Variants in DNAI1 observed in about 807,000 individuals in gnomAD.
DNAI1 encodes the protein dynein axonemal intermediate chain 1.
In DNAI1, 67 loss-of-function variants were observed where a neutral mutation model predicts 92.0. The ratio of observed to expected loss-of-function variants is 0.73; its 90% CI spans 0.60 to 0.89. The LOEUF (loss-of-function observed/expected upper bound fraction) is 0.89, where lower values mean the gene tolerates loss of function less well. Ranked by LOEUF, DNAI1 falls within the 40% of genes least tolerant of loss-of-function variation. DNAI1 has a pLI of 0.00. For missense variants in DNAI1, 839 were observed against 866.6 expected, an observed-to-expected ratio of 0.97 and a Z score of 0.40; for synonymous variants, 323 against 319.6, an observed-to-expected ratio of 1.01 and a Z score of -0.11.
intron 1 of DNAI1, among the ~76,000 whole-genome samples, chr9:34,462,505 T>C (rs1161280165): frequency 6.6e-6 from 1 of 152,228 alleles, no homozygotes; most frequent in Non-Finnish European, 1.5e-5. Context: ...TCATTGTTGA[T>C]TCCCCTCTAC....
intron 4 of DNAI1, chr9:34,488,021 G>T: frequency 2.7e-6 from 1 of 365,194 alleles, no homozygotes; most frequent in African/African-American, 2.2e-5. Flanking sequence ...AGATGAAGGT[G>T]AAATCTCAAA....
intron 10 of DNAI1, 61 bp downstream of exon 10, chr9:34,497,260 C>G: frequency 7.1e-7 from 1 of 1,412,144 alleles, no homozygotes; most frequent in Non-Finnish European, 1.0e-6. Flanking sequence ...CTCATAAAAG[C>G]TTGGGTTATT....
intron 1 of DNAI1, among the ~76,000 whole-genome samples, chr9:34,469,245 A>T (rs1428166471): frequency 2.0e-5 from 3 of 150,994 alleles, no homozygotes; most frequent in South Asian, 2.1e-4. Flanking sequence ...TGTAGGCCAG[A>T]AGACAATGGA....
At chr9:34,501,107 TA>T in intron 11 of DNAI1, 30 bp from the exon 12 acceptor site, 1 of 1,597,296 alleles carries the variant, frequency 6.3e-7, no homozygotes, top group African/African-American at 1.3e-5. Context: ...GTTCATTTCC[TA>T]TGCCAATGGA....
At chr9:34,467,158 C>T (rs776121216) in intron 1 of DNAI1, among the ~76,000 whole-genome samples, 21 of 152,096 alleles carry the variant, frequency 1.4e-4, no homozygotes, top group Non-Finnish European at 2.8e-4. Flanking sequence ...ATGAATTGTG[C>T]GGGAAGGGGC....
chr9:34,504,175 C>G (rs1824881981), intron 12 of DNAI1, among the ~76,000 whole-genome samples: 1 of 152,148 alleles, frequency 6.6e-6, no homozygotes, highest in South Asian at 2.1e-4. Flanking sequence ...GGGGACAGCA[C>G]CCTCAAAAGG....
rs111887810 is a variant in DNAI1, at chr9:34,520,691, G to A, written c.2035G>A (p.Ala679Thr). ...KKGQEVQKGP[A>T]VEIAKLDKLL... ...GGGGCAGGAGGTGCAGAAGGGTCCA[G>A]CTGTGGAGATTGCGAAACTGGACAA... is the stretch of plus-strand genomic sequence containing the variant. Residue 679 changes from alanine to threonine, a missense_variant, in exon 20 of 20, where the codon GCT becomes ACT. Transcript: ENST00000242317. The A allele has an allele frequency of 6.4e-7, 1 of 1,551,564 alleles. No individual in the cohort carries two copies. Among genetic ancestry groups the A allele is most frequent in the Non-Finnish European group, 8.7e-7 (1 of 1,146,988 alleles).
intron 4 of DNAI1, among the ~76,000 whole-genome samples, chr9:34,487,335 G>A (rs112095142): frequency 7.9e-5 from 12 of 152,048 alleles, no homozygotes; most frequent in African/African-American, 2.7e-4. Context: ...ACAGGCGCCC[G>A]CCACCACACC....
Position 34,490,492 on chromosome 9 carries a change from G to A in DNAI1, c.621+4G>A. 1 of 1,614,026 alleles carries A rather than the reference G, an allele frequency of 6.2e-7. No individual in the cohort carries two copies. Among genetic ancestry groups the A allele is most frequent in the Non-Finnish European group, 8.5e-7 (1 of 1,180,040 alleles). On this transcript the variant is annotated splice_donor_region_variant and intron_variant, in intron 7 of 19. Transcript: ENST00000242317. ...GACCTACAACAACCCTGTCCGGGTA[G>A]AGCAGCCCCCACCCTAGCCCCTTTG... is the stretch of plus-strand genomic sequence containing the variant.
intron 9 of DNAI1, among the ~76,000 whole-genome samples, chr9:34,493,614 T>C (rs1824657867): frequency 6.6e-6 from 1 of 151,826 alleles, no homozygotes; most frequent in African/African-American, 2.4e-5. Context: ...AAGCACTATA[T>C]GCCTTCTGGA....
intron 1 of DNAI1, among the ~76,000 whole-genome samples, chr9:34,459,945 G>A (rs947877451): frequency 3.3e-5 from 5 of 152,188 alleles, no homozygotes; most frequent in South Asian, 2.1e-4. Context: ...AAGAGGAAGA[G>A]GAGAGAGGCC....
At chr9:34,489,701 T>A (rs1485179072) in intron 5 of DNAI1, among the ~76,000 whole-genome samples, 2 of 151,896 alleles carry the variant, frequency 1.3e-5, no homozygotes, top group African/African-American at 4.8e-5. Flanking sequence ...TACAAAAAAT[T>A]AGCCGGGCGT....
At chr9:34,504,657 C>T (rs1389445257) in intron 12 of DNAI1, among the ~76,000 whole-genome samples, 7 of 152,230 alleles carry the variant, frequency 4.6e-5, no homozygotes, top group African/African-American at 1.7e-4. Context: ...TATTTCCACA[C>T]TGTTTAAATA....
intron 1 of DNAI1, among the ~76,000 whole-genome samples, chr9:34,473,976 C>T (rs1824190854): frequency 6.6e-6 from 1 of 152,260 alleles, no homozygotes; most frequent in Admixed American, 6.5e-5. Context: ...ATTCCTCCTG[C>T]CTAGGTCTCC....
chr9:34,475,921 G>A (rs774997158), intron 1 of DNAI1, among the ~76,000 whole-genome samples: 1 of 152,032 alleles, frequency 6.6e-6, no homozygotes, highest in Non-Finnish European at 1.5e-5. Flanking sequence ...CAAATAGATC[G>A]CTTACATTGT....
chr9:34,484,984 C>A, intron 2 of DNAI1, 158 bp from the exon 3 acceptor site: 1 of 726,210 alleles, frequency 1.4e-6, no homozygotes, highest in Non-Finnish European at 2.4e-6. Flanking sequence ...CTGAGCAGTT[C>A]TTTTGGACTC....
chr9:34,470,456 G>A (rs1004538037), intron 1 of DNAI1, among the ~76,000 whole-genome samples: 1 of 152,202 alleles, frequency 6.6e-6, no homozygotes, highest in African/African-American at 2.4e-5. Flanking sequence ...AAATCTGTAT[G>A]AGTATCATTA....
chr9:34,485,966 T>C (rs1216555660), intron 4 of DNAI1, among the ~76,000 whole-genome samples: 2 of 152,112 alleles, frequency 1.3e-5, no homozygotes, highest in Non-Finnish European at 2.9e-5. Context: ...CAGGCTCCAG[T>C]CTCAGCGTTT....
chr9:34,479,582 C>T lies in DNAI1; in HGVS notation c.49-3866C>T, dbSNP rs555127067. On this transcript the variant is annotated intron_variant, in intron 1 of 19. Coordinates refer to ENST00000242317, the MANE Select transcript of DNAI1 (RefSeq NM_012144.4). ...TTACAGACATATTTACAGGGGGCAGCGGTAACTGGATCTCGTTTTCTATTT... is the reference window on the plus strand; with the variant it reads ...TTACAGACATATTTACAGGGGGCAGTGGTAACTGGATCTCGTTTTCTATTT... Among the ~76,000 whole-genome samples the T allele has an allele frequency of 3.9e-5, 6 of 152,270 alleles. No homozygotes were observed. The East Asian group carries it at 9.6e-4, about 24-fold the overall frequency.
Sources: allele counts gnomAD v4.1 joint callset (sites outside exome capture counted in the v4.1 genomes callset), GRCh38; gene constraint gnomAD v4.1.1; transcripts MANE v1.5; gene names NCBI Gene and HGNC (gene_info 2026-07-23, HGNC 2026-07-21).